Variants in KLHL20 observed in about 807,000 individuals in gnomAD.
KLHL20 encodes kelch-like protein 20.
KLHL20 carries 29 observed loss-of-function variants against 69.5 expected under a neutral mutation model. The ratio of observed to expected loss-of-function variants is 0.42; its 90% CI spans 0.31 to 0.57. The LOEUF is 0.57. Ranked by LOEUF, KLHL20 falls within the 20% of genes least tolerant of loss-of-function variation. KLHL20 has a pLI of 0.18. For missense variants in KLHL20, 419 were observed against 776.0 expected, an observed-to-expected ratio of 0.54 and a Z score of 5.47; for synonymous variants, 253 against 265.2, an observed-to-expected ratio of 0.95 and a Z score of 0.45.
At position 173,785,548 on chromosome 1, in the gene KLHL20, CTTTG is replaced by C. The variant is rs1184817573; in HGVS notation, c.*307_*310del. ...AAAAAATTCCAAGCAGCAAAACTTACTTTGTTTGTAAGGTATTCATTTAGGTTTG... is the reference window on the plus strand; with the variant it reads ...AAAAAATTCCAAGCAGCAAAACTTACTTTGTAAGGTATTCATTTAGGTTTG... On this transcript the variant is annotated 3_prime_UTR_variant, in exon 12 of 12. Transcript: ENST00000209884. 5.4e-5 allele frequency: 10 copies of C among 185,414 alleles called. No homozygotes were observed. The highest frequency in any genetic ancestry group is 4.1e-4 in the South Asian group (3 of 7,276). 11.5% of individuals were successfully genotyped at this position (185,414 alleles called of 1,614,324 possible).
chr1:173,729,213 A>G (rs1672131100), intron 2 of KLHL20, among the ~76,000 whole-genome samples: 1 of 152,202 alleles, frequency 6.6e-6, no homozygotes, highest in African/African-American at 2.4e-5. Context: ...ACAGGCTCTG[A>G]AATTGAGGCA....
intron 2 of KLHL20, among the ~76,000 whole-genome samples, chr1:173,729,781 T>G (rs1672167169): frequency 6.6e-6 from 1 of 152,110 alleles, no homozygotes; most frequent in Admixed American, 6.6e-5. Flanking sequence ...GGGCAAAAAC[T>G]GGAAGCACTC....
chr1:173,765,917 G>T (rs1482776546), intron 7 of KLHL20, among the ~76,000 whole-genome samples: 2 of 151,918 alleles, frequency 1.3e-5, no homozygotes, highest in Non-Finnish European at 2.9e-5. Flanking sequence ...CTCAAGGAGG[G>T]CTTTAACTTT....
chr1:173,722,301 A>G (rs1199646340), intron 2 of KLHL20, among the ~76,000 whole-genome samples: 1 of 152,026 alleles, frequency 6.6e-6, no homozygotes, highest in Non-Finnish European at 1.5e-5. Context: ...GATGAATGAT[A>G]TTTCCTGAAG....
intron 8 of KLHL20, among the ~76,000 whole-genome samples, chr1:173,773,159 T>G (rs1262060135): frequency 6.6e-6 from 1 of 151,860 alleles, no homozygotes; most frequent in Non-Finnish European, 1.5e-5. Context: ...AGAGATAAGG[T>G]CTCTCTGTGT....
chr1:173,780,228 G>A (rs1648773645), intron 10 of KLHL20, among the ~76,000 whole-genome samples: 1 of 152,118 alleles, frequency 6.6e-6, no homozygotes, highest in South Asian at 2.1e-4. Context: ...GCTGTGTGTT[G>A]GGAAAGCAAA....
At chr1:173,744,796 A>AT (rs1473085800) in intron 3 of KLHL20, among the ~76,000 whole-genome samples, 5 of 152,214 alleles carry the variant, frequency 3.3e-5, no homozygotes, top group Non-Finnish European at 7.4e-5. Context: ...TCTAGGCCAT[A>AT]TACCAGTATG....
At position 173,766,137 on chromosome 1, in the gene KLHL20, T is replaced by A. The variant is rs377452220; in HGVS notation, c.1152-9T>A. ...AATACAAACTCTCCTCTTGGTATGT[T>A]CTTTTCAGGTATGACCCCAAAACAA... On this transcript the variant is annotated splice_polypyrimidine_tract_variant and intron_variant, in intron 7 of 11. Coordinates refer to ENST00000209884, the MANE Select transcript of KLHL20 (RefSeq NM_014458.4). The A allele has an allele frequency of 1.3e-6, 2 of 1,582,664 alleles. No homozygotes were observed. Among genetic ancestry groups the A allele is most frequent in the Non-Finnish European group, 1.7e-6 (2 of 1,168,170 alleles).
chr1:173,739,111 C>T (rs1030582236), intron 3 of KLHL20, among the ~76,000 whole-genome samples: 1 of 151,886 alleles, frequency 6.6e-6, no homozygotes, highest in African/African-American at 2.4e-5. Flanking sequence ...CTTGCTCTGT[C>T]GACCAGGCTG....
intron 5 of KLHL20, among the ~76,000 whole-genome samples, chr1:173,753,898 A>G: frequency 6.6e-6 from 1 of 152,372 alleles, no homozygotes; most frequent in East Asian, 1.9e-4. Context: ...GTATATACAA[A>G]ATGTAATAAA....
intron 2 of KLHL20, among the ~76,000 whole-genome samples, chr1:173,719,110 A>AAAAAAAAAAAAG (rs888154241): frequency 5.9e-5 from 9 of 151,856 alleles, no homozygotes; most frequent in East Asian, 5.8e-4. Context: ...GTCTCAAAAA[A>AAAAAAAAAAAAG]AAAAAGAAAA....
At chr1:173,780,390 G>T (rs1648784923) in intron 10 of KLHL20, among the ~76,000 whole-genome samples, 1 of 152,182 alleles carries the variant, frequency 6.6e-6, no homozygotes, top group African/African-American at 2.4e-5. Flanking sequence ...CTTTGGGGAA[G>T]TAAGAATGAG....
chr1:173,726,104 G>A (rs987939735), intron 2 of KLHL20, among the ~76,000 whole-genome samples: 3 of 152,170 alleles, frequency 2.0e-5, no homozygotes, highest in African/African-American at 7.2e-5. Context: ...ATTATATCCC[G>A]CGCCTGGCTC....
intron 2 of KLHL20, among the ~76,000 whole-genome samples, chr1:173,725,978 A>G (rs1671938697): frequency 6.6e-6 from 1 of 152,220 alleles, no homozygotes; most frequent in Non-Finnish European, 1.5e-5. Context: ...GCAAGGGGTC[A>G]GGGAATTCCC....
At chr1:173,766,117 A>C (rs767618896) in intron 7 of KLHL20, 29 bp from the exon 8 acceptor site, 7 of 1,535,160 alleles carry the variant, frequency 4.6e-6, no homozygotes, top group Non-Finnish European at 6.1e-6. Flanking sequence ...TGTGTAATAC[A>C]AACTCTCCTC....
At position 173,775,932 on chromosome 1, in the gene KLHL20, T is replaced by C. The variant is rs1571932845; in HGVS notation, c.1638+90T>C. 6 of 1,070,276 alleles carry C rather than the reference T, an allele frequency of 5.6e-6. No individual in the cohort carries two copies. In the East Asian group the frequency reaches 1.4e-4, roughly 26 times the overall value. The allele number at this position is 1,070,276 out of a possible 1,614,324, so 66.3% of individuals were successfully genotyped here. On this transcript the variant is annotated intron_variant, in intron 10 of 11. Coordinates refer to ENST00000209884, the MANE Select transcript of KLHL20 (RefSeq NM_014458.4). ...TGGGAGTGCAGATATCTCTTCATTA[T>C]ACTGGTTTCCTTTCTTTGGGGTATA...
intron 2 of KLHL20, among the ~76,000 whole-genome samples, chr1:173,731,156 A>C (rs1457075607): frequency 6.6e-6 from 1 of 152,200 alleles, no homozygotes; most frequent in East Asian, 1.9e-4. Flanking sequence ...GCAAATCAAA[A>C]CCACAGTGAG....
At chr1:173,766,352 G>T in intron 8 of KLHL20, 63 bp downstream of exon 8, 1 of 1,435,168 alleles carries the variant, frequency 7.0e-7, no homozygotes, top group Non-Finnish European at 9.3e-7. Flanking sequence ...CTCTTTAAAA[G>T]AAAAACTACA....
At chr1:173,752,753 A>G (rs556159317) in intron 4 of KLHL20, among the ~76,000 whole-genome samples, 2 of 152,330 alleles carry the variant, frequency 1.3e-5, no homozygotes, top group Admixed American at 1.3e-4. Context: ...TTTAGTAGTT[A>G]TGCCTTCCTT....
Sources: allele counts gnomAD v4.1 joint callset (sites outside exome capture counted in the v4.1 genomes callset), GRCh38; gene constraint gnomAD v4.1.1; transcripts MANE v1.5; gene names NCBI Gene and HGNC (gene_info 2026-07-23, HGNC 2026-07-21).